NTRK3: variants seen among roughly 807,000 people sequenced by gnomAD.
The protein encoded by NTRK3 is neurotrophic receptor tyrosine kinase 3.
A neutral mutation model predicts 91.7 loss-of-function variants in NTRK3; 24 were observed. That is an observed-to-expected ratio of 0.26 (90% confidence interval 0.19 to 0.37). NTRK3 has a LOEUF of 0.37. Ranked by LOEUF, NTRK3 falls within the 10% of genes least tolerant of loss-of-function variation. The pLI is 1.00. For synonymous variants in NTRK3, 483 were observed against 404.0 expected, an observed-to-expected ratio of 1.20 and a Z score of -2.34; for missense variants, 880 against 1,068.9, an observed-to-expected ratio of 0.82 and a Z score of 2.46.
intron 14 of NTRK3, among the ~76,000 whole-genome samples, 168 bp downstream of exon 14, chr15:88,032,689 G>A (rs2078658720): frequency 6.6e-6 from 1 of 152,048 alleles, no homozygotes; most frequent in African/African-American, 2.4e-5. Flanking sequence ...GGGGACTCCT[G>A]GCTCAGGCTA....
At chr15:87,993,218 T>C (rs2075422229) in intron 14 of NTRK3, among the ~76,000 whole-genome samples, 2 of 152,146 alleles carry the variant, frequency 1.3e-5, no homozygotes, top group African/African-American at 2.4e-5. Context: ...TAGGATATGA[T>C]GAGCAAAAGA....
At chr15:87,974,707 A>G (rs2073565635) in intron 14 of NTRK3, among the ~76,000 whole-genome samples, 1 of 152,188 alleles carries the variant, frequency 6.6e-6, no homozygotes, top group African/African-American at 2.4e-5. Flanking sequence ...AAGCCCAACC[A>G]TGCTTTCATA....
At chr15:88,050,565 ACT>A (rs2080734619) in intron 13 of NTRK3, among the ~76,000 whole-genome samples, 1 of 146,542 alleles carries the variant, frequency 6.8e-6, no homozygotes, top group Non-Finnish European at 1.5e-5. Flanking sequence ...GTATACACAC[ACT>A]CACACACACA....
chr15:87,956,263 G>A (rs1025635729), intron 14 of NTRK3, among the ~76,000 whole-genome samples: 1 of 152,144 alleles, frequency 6.6e-6, no homozygotes, highest in African/African-American at 2.4e-5. Flanking sequence ...GTACAAAGTG[G>A]GCTGTTCTGG....
At chr15:87,925,996 A>C (rs1300882164) in intron 17 of NTRK3, among the ~76,000 whole-genome samples, 1 of 152,230 alleles carries the variant, frequency 6.6e-6, no homozygotes, top group African/African-American at 2.4e-5. Flanking sequence ...AACTTGCTTA[A>C]CATCAACACA....
At chr15:88,023,261 A>G (rs2077738289) in intron 14 of NTRK3, among the ~76,000 whole-genome samples, 1 of 152,172 alleles carries the variant, frequency 6.6e-6, no homozygotes, top group South Asian at 2.1e-4. Context: ...CATTCTGGCA[A>G]CATCCAGCTC....
chr15:88,068,637 C>G (rs1171610060), intron 13 of NTRK3, among the ~76,000 whole-genome samples: 1 of 152,156 alleles, frequency 6.6e-6, no homozygotes, highest in Non-Finnish European at 1.5e-5. Flanking sequence ...AATCAAAGGC[C>G]TGCCAAAAAG....
chr15:88,203,007 G>C (rs1026746093), intron 3 of NTRK3, among the ~76,000 whole-genome samples: 1 of 152,096 alleles, frequency 6.6e-6, no homozygotes, highest in East Asian at 1.9e-4. Context: ...ATGCTAGCTG[G>C]CTCCCAGTGG....
chr15:88,114,099 G>A (rs571938759), intron 13 of NTRK3, among the ~76,000 whole-genome samples: 1 of 152,250 alleles, frequency 6.6e-6, no homozygotes, highest in East Asian at 1.9e-4. Context: ...ATCCTGCTCT[G>A]TGCAGTCAGC....
chr15:88,229,760 T>C (rs1417784537), intron 3 of NTRK3, among the ~76,000 whole-genome samples: 3 of 152,216 alleles, frequency 2.0e-5, no homozygotes, highest in East Asian at 1.9e-4. Context: ...CCACATGAGA[T>C]AAAGCAATCA....
intron 5 of NTRK3, among the ~76,000 whole-genome samples, chr15:88,175,581 AGAT>A (rs1277758958): frequency 1.3e-5 from 2 of 152,208 alleles, no homozygotes; most frequent in African/African-American, 4.8e-5. Flanking sequence ...TATCAATTTT[AGAT>A]GATATTGATA....
intron 14 of NTRK3, among the ~76,000 whole-genome samples, chr15:87,950,462 C>T (rs559134327): frequency 6.6e-5 from 10 of 152,246 alleles, no homozygotes; most frequent in African/African-American, 2.2e-4. Flanking sequence ...ATACAACAGA[C>T]ACGAAGAAAA....
intron 14 of NTRK3, among the ~76,000 whole-genome samples, chr15:88,031,228 G>GTTCAGTGTTCACTAA (rs936884099): frequency 1.3e-5 from 2 of 152,152 alleles, no homozygotes; most frequent in Non-Finnish European, 2.9e-5. Flanking sequence ...AGGAGCAATG[G>GTTCAGTGTTCACTAA]TTCAGTGTTC....
intron 9 of NTRK3, among the ~76,000 whole-genome samples, chr15:88,135,670 A>T (rs1170799551): frequency 6.6e-6 from 1 of 152,182 alleles, no homozygotes; most frequent in Non-Finnish European, 1.5e-5. Flanking sequence ...TGTCCTGAAG[A>T]TGTAGTTGAC....
At chr15:88,090,037 T>C (rs927542912) in intron 13 of NTRK3, among the ~76,000 whole-genome samples, 34 of 152,150 alleles carry the variant, frequency 2.2e-4, no homozygotes, top group Non-Finnish European at 4.4e-5. Flanking sequence ...GCCTTTGCAC[T>C]AGCAGCTCCC....
intron 14 of NTRK3, chr15:87,978,722 A>G (rs1377397325): frequency 1.7e-5 from 4 of 233,262 alleles, no homozygotes; most frequent in Non-Finnish European, 3.4e-5. Flanking sequence ...TTTCCACCGA[A>G]AATAAAAATA....
At chr15:87,921,777 C>A (rs1036370008) in intron 17 of NTRK3, among the ~76,000 whole-genome samples, 3 of 152,074 alleles carry the variant, frequency 2.0e-5, no homozygotes, top group South Asian at 2.1e-4. Context: ...GAGCAATGAG[C>A]AGCAAAACTT....
chr15:88,134,653 C>G (rs139845266), intron 10 of NTRK3, among the ~76,000 whole-genome samples: 745 of 152,340 alleles, frequency 4.9e-3, no homozygotes, highest in Non-Finnish European at 8.9e-3. Context: ...GAACCATCAT[C>G]AGGTGTCAAA....
At chr15:87,946,847 C>T (rs8035101) in intron 14 of NTRK3, among the ~76,000 whole-genome samples, 16,649 of 148,684 alleles carry the variant, frequency 0.11, 2,171 homozygotes, top group African/African-American at 0.32. Context: ...GCACATGATA[C>T]CTTTACAGCT....
Sources: gnomAD v4.1 joint callset for allele counts (sites outside exome capture counted in the v4.1 genomes callset) on GRCh38, gnomAD v4.1.1 for gene constraint, MANE v1.5 for transcripts, NCBI Gene and HGNC (gene_info 2026-07-23, HGNC 2026-07-21) for gene names.